SMC1B: variants seen among roughly 807,000 people sequenced by gnomAD.
The protein encoded by SMC1B is structural maintenance of chromosomes protein 1B.
Under a neutral mutation model 157.9 loss-of-function variants are expected in SMC1B, and 60 were observed. The ratio of observed to expected loss-of-function variants is 0.38; its 90% confidence interval spans 0.31 to 0.47. SMC1B has a LOEUF of 0.47. Ranked by LOEUF, SMC1B falls within the 20% of genes least tolerant of loss-of-function variation. The pLI is 0.99. For synonymous variants in SMC1B, 445 were observed against 483.0 expected (o/e 0.92, Z 1.03); for missense variants, 1,165 against 1,426.2 (o/e 0.82, Z 2.95).
intron 12 of SMC1B, among the ~76,000 whole-genome samples, chr22:45,381,161 A>G (rs1482683198): frequency 6.6e-6 from 1 of 152,048 alleles, no homozygotes; most frequent in Non-Finnish European, 1.5e-5. Flanking sequence ...GAAGGATGAC[A>G]CTATACTAAA....
intron 19 of SMC1B, among the ~76,000 whole-genome samples, chr22:45,356,362 C>T (rs1212653411): frequency 6.6e-6 from 1 of 152,152 alleles, no homozygotes; most frequent in Non-Finnish European, 1.5e-5. Context: ...ATTGCTGGGG[C>T]TTTGTAGGTA....
rs543761432 is a variant in SMC1B at position 45,408,540 on chromosome 22, G to A, written c.298+170C>T. ...AGACATAATTGGAGAAATATGTGGC[G>A]AATCAAACAGGTTCTGTTACTTGCT... On this transcript the variant is annotated intron_variant, in intron 2 of 24. Coordinates refer to ENST00000357450, the MANE Select transcript of SMC1B (RefSeq NM_148674.5). 3.3e-5 allele frequency among the ~76,000 whole-genome samples: 5 copies of A among 152,220 alleles called. No homozygotes were observed. The South Asian group carries it at 1.0e-3, about 32-fold the overall frequency.
At chr22:45,392,071 C>A (rs2087065362) in intron 9 of SMC1B, among the ~76,000 whole-genome samples, 1 of 152,054 alleles carries the variant, frequency 6.6e-6, no homozygotes, top group African/African-American at 2.4e-5. Flanking sequence ...CTCAGCCTCC[C>A]AAGTAGCTGG....
At chr22:45,394,946 C>T (rs1440275430) in intron 7 of SMC1B, among the ~76,000 whole-genome samples, 179 bp from the exon 8 acceptor site, 1 of 152,098 alleles carries the variant, frequency 6.6e-6, no homozygotes, top group South Asian at 2.1e-4. Context: ...GAATCTTTAC[C>T]ATTTGCTAGA....
At chr22:45,352,341 G>T in intron 22 of SMC1B, 110 bp downstream of exon 22, 1 of 976,914 alleles carries the variant, frequency 1.0e-6, no homozygotes, top group Non-Finnish European at 1.4e-6. Flanking sequence ...AGATAGTTTT[G>T]TATCTCATTT....
At chr22:45,394,804 A>G in intron 7 of SMC1B, 37 bp from the exon 8 acceptor site, 1 of 1,471,918 alleles carries the variant, frequency 6.8e-7, no homozygotes, top group Non-Finnish European at 9.1e-7. Context: ...CAATTACGGC[A>G]ATTCCAAACC....
chr22:45,407,750 T>C (rs946818578), intron 2 of SMC1B, among the ~76,000 whole-genome samples: 17 of 152,092 alleles, frequency 1.1e-4, no homozygotes, highest in African/African-American at 3.9e-4. Flanking sequence ...GCCCAGCCTA[T>C]ATTATCTTAT....
chr22:45,413,581 A>G lies in SMC1B; in HGVS notation c.-14T>C, dbSNP rs41279797. 2.1e-4 allele frequency: 338 copies of G among 1,590,118 alleles called. 2 individuals are homozygous for G. Among genetic ancestry groups the G allele is most frequent in the Non-Finnish European group, 6.8e-5 (79 of 1,167,746 alleles). On this transcript the variant is annotated 5_prime_UTR_variant, in exon 1 of 25. Coordinates refer to ENST00000357450, the MANE Select transcript of SMC1B (RefSeq NM_148674.5). ...CAGGTGGGCCATGGCGCCGCCCTCCACGCCTCACCCGCGTTATCAAGCGCC... is the reference window on the plus strand; with the variant it reads ...CAGGTGGGCCATGGCGCCGCCCTCCGCGCCTCACCCGCGTTATCAAGCGCC...
chr22:45,375,956 T>A (rs573686772), intron 12 of SMC1B, among the ~76,000 whole-genome samples: 1 of 152,340 alleles, frequency 6.6e-6, no homozygotes, highest in South Asian at 2.1e-4. Context: ...AGTTTCCATC[T>A]TTTTTATATG....
At chr22:45,398,950 A>G in intron 6 of SMC1B, 145 bp downstream of exon 6, 2 of 801,070 alleles carry the variant, frequency 2.5e-6, no homozygotes, top group Non-Finnish European at 4.0e-6. Flanking sequence ...AGTTCTGTAT[A>G]CAGGCTGAAA....
In SMC1B at chr22:45,402,497, A is replaced by G; in HGVS notation, c.690T>C (p.His230=). Residue 230 remains histidine, a synonymous_variant, in exon 5 of 25, where the codon CAT becomes CAC. Transcript: ENST00000357450. ...KIQLQLFQLY[H]NEKKIHLLNT... ...TCAGGAGATGAATCTTTTTCTCATT[A>G]TGGTATAGTTGAAAAAGCTGCAGTT... 1.2e-6 allele frequency: 2 copies of G among 1,613,908 alleles called. No individual in the cohort carries two copies.
intron 24 of SMC1B, 64 bp from the exon 25 acceptor site, chr22:45,344,721 A>G: frequency 9.1e-7 from 1 of 1,098,266 alleles, no homozygotes; most frequent in Non-Finnish European, 1.4e-6. Flanking sequence ...TTAAAGTAAG[A>G]GCCATTAGTG....
intron 1 of SMC1B, among the ~76,000 whole-genome samples, chr22:45,410,459 T>G (rs1239663354): frequency 6.6e-6 from 1 of 152,190 alleles, no homozygotes; most frequent in African/African-American, 2.4e-5. Flanking sequence ...TCCCAGCACT[T>G]TGGGAGGCCG....
chr22:45,356,686 C>T (rs1484018399), intron 19 of SMC1B, among the ~76,000 whole-genome samples: 1 of 151,912 alleles, frequency 6.6e-6, no homozygotes, highest in Non-Finnish European at 1.5e-5. Flanking sequence ...AAATATCTCC[C>T]CACGGAGTTG....
chr22:45,377,280 C>G (rs981684786), intron 12 of SMC1B, among the ~76,000 whole-genome samples: 5 of 152,102 alleles, frequency 3.3e-5, no homozygotes, highest in Non-Finnish European at 5.9e-5. Context: ...TTCAAAAGCA[C>G]TAGCTTTTAG....
At chr22:45,352,787 G>A (rs1393449193) in intron 21 of SMC1B, among the ~76,000 whole-genome samples, 185 bp from the exon 22 acceptor site, 2 of 152,122 alleles carry the variant, frequency 1.3e-5, no homozygotes, top group East Asian at 3.9e-4. Flanking sequence ...CTGGGTAGGC[G>A]GTAGAGGGAA....
intron 16 of SMC1B, 134 bp from the exon 17 acceptor site, chr22:45,362,118 T>C (rs1265148044): frequency 2.5e-6 from 2 of 785,406 alleles, no homozygotes; most frequent in Non-Finnish European, 3.9e-6. Flanking sequence ...TGACCTTCCA[T>C]CGTGGACTGT....
intron 21 of SMC1B, 85 bp downstream of exon 21, chr22:45,353,893 C>CA (rs3833396): frequency 0.06 from 14,726 of 245,966 alleles, 2,800 homozygotes; most frequent in African/African-American, 0.3. Flanking sequence ...TATTTCCCAC[C>CA]AAAAAAAAAA....
chr22:45,390,355 C>A (rs893351684), intron 9 of SMC1B, among the ~76,000 whole-genome samples: 1 of 152,132 alleles, frequency 6.6e-6, no homozygotes, highest in African/African-American at 2.4e-5. Flanking sequence ...TGGAGCTAGA[C>A]ACTGACAGAG....
Sources: gnomAD v4.1 joint callset for allele counts (sites outside exome capture counted in the v4.1 genomes callset) on GRCh38, gnomAD v4.1.1 for gene constraint, MANE v1.5 for transcripts, NCBI Gene and HGNC (gene_info 2026-07-23, HGNC 2026-07-21) for gene names.